Variants in GPHN observed in about 807,000 individuals in gnomAD.
GPHN encodes gephyrin.
Under a neutral mutation model 95.5 loss-of-function variants are expected in GPHN, and 17 were observed. The ratio of observed to expected loss-of-function variants is 0.18; its 90% CI spans 0.12 to 0.27. The LOEUF is 0.27. GPHN is among the 10% of genes least tolerant of loss of function. The pLI is 1.00. For synonymous variants in GPHN, 320 were observed against 322.5 expected (o/e 0.99, Z 0.08); for missense variants, 660 against 978.1 (o/e 0.67, Z 4.34).
chr14:66,726,547 G>A (rs1434101737), intron 2 of GPHN, among the ~76,000 whole-genome samples: 1 of 152,030 alleles, frequency 6.6e-6, no homozygotes, highest in Non-Finnish European at 1.5e-5. Flanking sequence ...ATTAATAGCT[G>A]GAAAATGAAT....
intron 7 of GPHN, among the ~76,000 whole-genome samples, chr14:66,923,238 G>A (rs772629525): frequency 2.2e-4 from 34 of 152,138 alleles, no homozygotes; most frequent in Non-Finnish European, 4.3e-4. Context: ...CATTTTTGTG[G>A]ACATATTAAA....
chr14:66,813,503 G>T (rs190973579), intron 3 of GPHN, among the ~76,000 whole-genome samples: 2 of 152,176 alleles, frequency 1.3e-5, no homozygotes, highest in African/African-American at 4.8e-5. Context: ...AGTTGAACTG[G>T]CAAGGAGCAA....
At chr14:67,014,970 T>C in intron 9 of GPHN, among the ~76,000 whole-genome samples, 1 of 152,212 alleles carries the variant, frequency 6.6e-6, no homozygotes, top group Non-Finnish European at 1.5e-5. Context: ...AAGCTTTATA[T>C]AGGAAATACA....
chr14:66,827,157 C>T (rs144920109), intron 4 of GPHN, among the ~76,000 whole-genome samples: 5 of 152,150 alleles, frequency 3.3e-5, no homozygotes, highest in East Asian at 1.9e-4. Flanking sequence ...TGGTGGCACA[C>T]GCCTGTAATC....
At chr14:67,287,047 C>A in the GPHN span, among the ~76,000 whole-genome samples, 16 of 151,844 alleles carry the variant, frequency 1.1e-4, no homozygotes, top group African/African-American at 3.9e-4. Flanking sequence ...GAAATCTTGT[C>A]TCTACAAAAA....
chr14:67,066,611 G>A (rs1351392859), intron 11 of GPHN, among the ~76,000 whole-genome samples: 3 of 152,130 alleles, frequency 2.0e-5, no homozygotes, highest in Non-Finnish European at 4.4e-5. Flanking sequence ...ATATTTCTTG[G>A]AGGCTTTGTT....
At chr14:67,070,109 A>C (rs1032197804) in intron 11 of GPHN, among the ~76,000 whole-genome samples, 34 of 152,132 alleles carry the variant, frequency 2.2e-4, no homozygotes, top group African/African-American at 7.7e-4. Context: ...TCAGGTATTC[A>C]TATCTCTTTA....
intron 3 of GPHN, among the ~76,000 whole-genome samples, chr14:66,779,547 A>G (rs978652110): frequency 3.3e-5 from 5 of 152,206 alleles, no homozygotes; most frequent in African/African-American, 1.2e-4. Flanking sequence ...TGATAATACA[A>G]TTAAAATGTG....
intron 1 of GPHN, among the ~76,000 whole-genome samples, chr14:66,575,865 G>A (rs1218378865): frequency 6.6e-6 from 1 of 152,130 alleles, no homozygotes; most frequent in Non-Finnish European, 1.5e-5. Flanking sequence ...CTGCATCCGT[G>A]GGATGGGTCT....
chr14:66,904,772 G>T (rs1455552317), intron 5 of GPHN, among the ~76,000 whole-genome samples: 1 of 152,122 alleles, frequency 6.6e-6, no homozygotes, highest in African/African-American at 2.4e-5. Context: ...CAGTGGGTTG[G>T]TCCAGGGGTC....
chr14:66,660,506 G>C (rs2065578277), intron 1 of GPHN, among the ~76,000 whole-genome samples: 1 of 151,276 alleles, frequency 6.6e-6, no homozygotes, highest in East Asian at 1.9e-4. Context: ...CTGGTAAAAA[G>C]TTTTCTTAGT....
the GPHN span, among the ~76,000 whole-genome samples, chr14:67,236,775 A>T: frequency 2.0e-5 from 3 of 150,718 alleles, no homozygotes; most frequent in East Asian, 5.8e-4. Context: ...TTGTTATTTT[A>T]TTATTTTATT....
intron 3 of GPHN, among the ~76,000 whole-genome samples, chr14:66,780,648 G>T (rs1240035557): frequency 1.3e-5 from 2 of 151,612 alleles, no homozygotes; most frequent in Non-Finnish European, 2.9e-5. Flanking sequence ...TCGATTACTG[G>T]TATTATATCT....
At chr14:67,342,223 T>TTTAAA in the GPHN span, among the ~76,000 whole-genome samples, 1 of 93,460 alleles carries the variant, frequency 1.1e-5, no homozygotes, top group African/African-American at 6.0e-5. Context: ...TAAAATAAAA[T>TTTAAA]AAAAAAAAAC....
chr14:67,249,178 T>A, the GPHN span, among the ~76,000 whole-genome samples: 1 of 152,068 alleles, frequency 6.6e-6, no homozygotes, highest in Non-Finnish European at 1.5e-5. Flanking sequence ...GCCAGGCTGG[T>A]CTTGAACTCC....
chr14:66,538,737 T>G lies in GPHN; in HGVS notation c.64+30146T>G, dbSNP rs139236990. The stretch of plus-strand genomic sequence containing the variant: ...TCTCCTAACTCCACTATCAGTGTCA[T>G]CTCTAGCTTTGCTTTTAGTCTTGAT... On this transcript the variant is annotated intron_variant, in intron 1 of 22. Transcript: ENST00000478722. Among the ~76,000 whole-genome samples, 603 of 151,732 alleles carry G rather than the reference T, an allele frequency of 4.0e-3. 1 individual carries two copies. Among genetic ancestry groups the G allele is most frequent in the Non-Finnish European group, 5.1e-3 (347 of 67,900 alleles).
At chr14:67,524,465 G>A in the GPHN span, among the ~76,000 whole-genome samples, 1 of 152,148 alleles carries the variant, frequency 6.6e-6, no homozygotes, top group African/African-American at 2.4e-5. Context: ...AGTGAGAAGG[G>A]GTAGACAAAG....
chr14:67,514,705 T>C, the GPHN span, among the ~76,000 whole-genome samples: 1 of 151,844 alleles, frequency 6.6e-6, no homozygotes, highest in East Asian at 1.9e-4. Flanking sequence ...GCCTCCTGGG[T>C]GCTCTCCGCC....
At chr14:67,642,584 ACATT>A in the GPHN span, among the ~76,000 whole-genome samples, 1 of 152,150 alleles carries the variant, frequency 6.6e-6, no homozygotes, top group Non-Finnish European at 1.5e-5. Flanking sequence ...AAGAATATGT[ACATT>A]CAGACACAGC....
Sources: gnomAD v4.1 joint callset for allele counts (sites outside exome capture counted in the v4.1 genomes callset) on GRCh38, gnomAD v4.1.1 for gene constraint, MANE v1.5 for transcripts, NCBI Gene and HGNC (gene_info 2026-07-23, HGNC 2026-07-21) for gene names.